Variants in FBXL17 observed in about 807,000 individuals in gnomAD.
FBXL17 encodes F-box/LRR-repeat protein 17.
FBXL17 carries 22 observed loss-of-function variants against 66.2 expected under a neutral mutation model. The observed-to-expected ratio is 0.33, with a 90% CI of 0.24 to 0.47. FBXL17 has a LOEUF of 0.47. Ranked by LOEUF, FBXL17 falls within the 20% of genes least tolerant of loss-of-function variation. FBXL17 has a pLI of 1.00. For synonymous variants in FBXL17, 474 were observed against 400.5 expected, an observed-to-expected ratio of 1.18 and a Z score of -2.19; for missense variants, 878 against 948.2, an observed-to-expected ratio of 0.93 and a Z score of 0.97.
chr5:108,065,117 GA>G (rs1337318300), intron 6 of FBXL17, among the ~76,000 whole-genome samples: 2 of 151,998 alleles, frequency 1.3e-5, no homozygotes, highest in African/African-American at 4.8e-5. Flanking sequence ...CAGAGGCAAC[GA>G]GTGAATTTGC....
intron 6 of FBXL17, among the ~76,000 whole-genome samples, chr5:108,035,102 TCA>T (rs1293814614): frequency 6.6e-6 from 1 of 152,184 alleles, no homozygotes; most frequent in Non-Finnish European, 1.5e-5. Context: ...AATTGATCTC[TCA>T]GTGTGTAGTT....
At chr5:107,992,461 T>C (rs1174318018) in intron 7 of FBXL17, among the ~76,000 whole-genome samples, 2 of 152,146 alleles carry the variant, frequency 1.3e-5, no homozygotes, top group East Asian at 3.9e-4. Flanking sequence ...AAAAAGGCTA[T>C]AAGTCTCCCA....
intron 4 of FBXL17, among the ~76,000 whole-genome samples, chr5:108,226,887 C>T (rs1755123870): frequency 1.3e-5 from 2 of 152,168 alleles, no homozygotes; most frequent in South Asian, 4.1e-4. Flanking sequence ...GGTCTTTAAA[C>T]TTGGACTAGA....
intron 5 of FBXL17, among the ~76,000 whole-genome samples, chr5:108,210,467 T>TAC (rs1754320399): frequency 6.6e-6 from 1 of 152,354 alleles, no homozygotes; most frequent in Admixed American, 6.5e-5. Context: ...AACTTCCCTC[T>TAC]ACACACTGCT....
chr5:108,341,719 A>C (rs536557839), intron 4 of FBXL17, among the ~76,000 whole-genome samples: 1 of 152,238 alleles, frequency 6.6e-6, no homozygotes, highest in South Asian at 2.1e-4. Context: ...TTCCAGACCA[A>C]ATATGAATAC....
At chr5:108,205,838 G>T (rs897740924) in intron 5 of FBXL17, among the ~76,000 whole-genome samples, 1 of 152,046 alleles carries the variant, frequency 6.6e-6, no homozygotes, top group African/African-American at 2.4e-5. Context: ...CGGGTTTCAA[G>T]CAATTCTTGT....
At chr5:108,271,219 C>T (rs1757254387) in intron 4 of FBXL17, among the ~76,000 whole-genome samples, 1 of 152,020 alleles carries the variant, frequency 6.6e-6, no homozygotes, top group South Asian at 2.1e-4. Context: ...ACCATGAAAA[C>T]TGGAGCTCCC....
In FBXL17 at chr5:107,861,614, C is replaced by T. The variant is rs1038213509; in HGVS notation, c.*106G>A. On this transcript the variant is annotated 3_prime_UTR_variant, in exon 9 of 9. Coordinates refer to ENST00000542267, the MANE Select transcript of FBXL17 (RefSeq NM_001163315.3). ...ACACAAATACACATACTTGAACACA[C>T]ACAGACAGGTGACAGTTAAAACCCT... 1 of 1,087,726 alleles carries T rather than the reference C, an allele frequency of 9.2e-7. No homozygotes were observed. The highest frequency in any genetic ancestry group is 1.2e-6 in the Non-Finnish European group (1 of 819,194). 67.4% of individuals were successfully genotyped at this position (1,087,726 alleles called of 1,614,324 possible). A position where few individuals can be genotyped will look rare whatever the true frequency, so the allele number is the denominator to read the frequency against.
At chr5:108,365,024 C>T (rs779845368) in intron 2 of FBXL17, 29 bp from the exon 3 acceptor site, 1 of 1,542,052 alleles carries the variant, frequency 6.5e-7, no homozygotes, top group Non-Finnish European at 8.8e-7. Flanking sequence ...TAAATTTAAA[C>T]TTTTGCTAAA....
chr5:108,260,087 G>A (rs1420218184), intron 4 of FBXL17, among the ~76,000 whole-genome samples: 1 of 151,560 alleles, frequency 6.6e-6, no homozygotes, highest in Non-Finnish European at 1.5e-5. Context: ...TAATTTGGGA[G>A]GAAACCGGTT....
intron 7 of FBXL17, among the ~76,000 whole-genome samples, chr5:108,016,883 A>C (rs559986283): frequency 6.6e-6 from 1 of 151,550 alleles, no homozygotes; most frequent in East Asian, 1.9e-4. Flanking sequence ...AGGTTCAAGC[A>C]ATTTTCCTGC....
intron 4 of FBXL17, among the ~76,000 whole-genome samples, chr5:108,289,323 G>A (rs1295866174): frequency 2.0e-5 from 3 of 152,010 alleles, no homozygotes; most frequent in Non-Finnish European, 4.4e-5. Flanking sequence ...ATGTTAAGAC[G>A]TTCCTTGAAT....
At chr5:108,108,642 T>C (rs1288474656) in intron 6 of FBXL17, among the ~76,000 whole-genome samples, 2 of 152,138 alleles carry the variant, frequency 1.3e-5, no homozygotes, top group African/African-American at 2.4e-5. Flanking sequence ...AAATACTTTG[T>C]TATCCTCTCC....
intron 6 of FBXL17, among the ~76,000 whole-genome samples, chr5:108,088,767 T>G (rs531390187): frequency 1.2e-4 from 16 of 137,882 alleles, no homozygotes; most frequent in African/African-American, 2.7e-4. Context: ...GTCCAAGGCC[T>G]CTATCCCTTC....
chr5:108,201,764 A>G (rs918707262), intron 5 of FBXL17, among the ~76,000 whole-genome samples: 1 of 151,144 alleles, frequency 6.6e-6, no homozygotes, highest in African/African-American at 2.4e-5. Context: ...ATCACTCTTT[A>G]TGTATAAACC....
At chr5:107,967,252 TGTTGG>T (rs1752178966) in intron 7 of FBXL17, among the ~76,000 whole-genome samples, 2 of 151,996 alleles carry the variant, frequency 1.3e-5, no homozygotes, top group African/African-American at 4.8e-5. Context: ...TAACACTAAC[TGTTGG>T]ACAGTTGCTC....
At chr5:108,044,221 A>G (rs1207164208) in intron 6 of FBXL17, among the ~76,000 whole-genome samples, 1 of 151,892 alleles carries the variant, frequency 6.6e-6, no homozygotes, top group Non-Finnish European at 1.5e-5. Context: ...GTACTATATT[A>G]AGAGTGGTGA....
intron 7 of FBXL17, among the ~76,000 whole-genome samples, chr5:107,951,562 TATCTTGAC>T (rs71755690): frequency 0.072 from 10,931 of 152,220 alleles, 520 homozygotes; most frequent in South Asian, 0.12. Context: ...AAGTCTTTTT[TATCTTGAC>T]GTACCTGGCA....
chr5:108,330,852 A>C (rs1760089252), intron 4 of FBXL17, among the ~76,000 whole-genome samples: 1 of 152,042 alleles, frequency 6.6e-6, no homozygotes, highest in Admixed American at 6.6e-5. Flanking sequence ...TGGTACAAAC[A>C]TGTATTCTAT....
Sources: gnomAD v4.1 joint callset for allele counts (sites outside exome capture counted in the v4.1 genomes callset) on GRCh38, gnomAD v4.1.1 for gene constraint, MANE v1.5 for transcripts, NCBI Gene and HGNC (gene_info 2026-07-23, HGNC 2026-07-21) for gene names.